NRCAM: variants seen among roughly 807,000 people sequenced by gnomAD.
NRCAM encodes the protein neuronal cell adhesion molecule.
Under a neutral mutation model 156.5 loss-of-function variants are expected in NRCAM, and 83 were observed. The ratio of observed to expected loss-of-function variants is 0.53; its 90% confidence interval spans 0.44 to 0.64. NRCAM has a LOEUF of 0.64. Ranked by LOEUF, NRCAM falls within the 30% of genes least tolerant of loss-of-function variation. The pLI is 0.00. For missense variants in NRCAM, 1,417 were observed against 1,597.3 expected, an observed-to-expected ratio of 0.89 and a Z score of 1.92; for synonymous variants, 538 against 563.9, an observed-to-expected ratio of 0.95 and a Z score of 0.65.
intron 2 of NRCAM, among the ~76,000 whole-genome samples, chr7:108,357,720 G>GC (rs1428814303): frequency 9.8e-5 from 15 of 152,322 alleles, no homozygotes; most frequent in African/African-American, 3.1e-4. Flanking sequence ...TCATGGGGAT[G>GC]CAGAGTGGAA....
At chr7:108,220,203 C>G (rs118154494) in intron 11 of NRCAM, among the ~76,000 whole-genome samples, 443 of 151,552 alleles carry the variant, frequency 2.9e-3, no homozygotes, top group Non-Finnish European at 4.3e-3. Flanking sequence ...AAATCACAGA[C>G]GACACAAATG....
chr7:108,428,562 A>C (rs1318856375), intron 1 of NRCAM, among the ~76,000 whole-genome samples: 2 of 152,216 alleles, frequency 1.3e-5, no homozygotes, highest in Non-Finnish European at 2.9e-5. Context: ...CTTGGACAAA[A>C]GGAAGGCAGA....
intron 3 of NRCAM, among the ~76,000 whole-genome samples, chr7:108,264,719 A>G: frequency 6.6e-6 from 1 of 152,194 alleles, no homozygotes; most frequent in Non-Finnish European, 1.5e-5. Context: ...TCCTGTAACA[A>G]ACACCTAATA....
intron 3 of NRCAM, chr7:108,243,083 G>A (rs1228420212): frequency 1.3e-5 from 2 of 152,140 alleles, no homozygotes; most frequent in East Asian, 3.8e-4. Context: ...TCATACTGCT[G>A]GGAGGTCATG....
chr7:108,257,946 G>A (rs1269650), intron 3 of NRCAM, among the ~76,000 whole-genome samples: 68,028 of 151,770 alleles, frequency 0.45, 17,611 homozygotes, highest in East Asian at 0.85. Flanking sequence ...CCACTTCACC[G>A]GGCATGCTGA....
At chr7:108,218,812 A>G (rs891879263) in intron 11 of NRCAM, among the ~76,000 whole-genome samples, 1 of 152,224 alleles carries the variant, frequency 6.6e-6, no homozygotes, top group African/African-American at 2.4e-5. Flanking sequence ...TAGAGAAACA[A>G]GAACAAACCA....
intron 30 of NRCAM, among the ~76,000 whole-genome samples, 190 bp from the exon 31 acceptor site, chr7:108,160,682 T>TA (rs953153161): frequency 6.6e-6 from 1 of 152,212 alleles, no homozygotes; most frequent in Non-Finnish European, 1.5e-5. Flanking sequence ...CTTCATTCAT[T>TA]AAAAAATTCA....
At chr7:108,373,557 A>T (rs1462159635) in intron 2 of NRCAM, among the ~76,000 whole-genome samples, 2 of 152,194 alleles carry the variant, frequency 1.3e-5, no homozygotes, top group Non-Finnish European at 2.9e-5. Context: ...ACTAAAGCAC[A>T]GGGGACAATA....
At chr7:108,247,239 G>A (rs1361979962) in intron 3 of NRCAM, among the ~76,000 whole-genome samples, 1 of 152,170 alleles carries the variant, frequency 6.6e-6, no homozygotes, top group Non-Finnish European at 1.5e-5. Context: ...TTATTATATA[G>A]CCATAGATAT....
chr7:108,299,114 A>AAAAGAAAG (rs1554479870), intron 3 of NRCAM, among the ~76,000 whole-genome samples: 2 of 25,530 alleles, frequency 7.8e-5, no homozygotes, highest in Non-Finnish European at 1.6e-4. Flanking sequence ...TCAAAAAAAA[A>AAAAGAAAG]AAAGAAAGAA....
chr7:108,206,591 G>A (rs1441303173), intron 13 of NRCAM, among the ~76,000 whole-genome samples: 1 of 152,164 alleles, frequency 6.6e-6, no homozygotes, highest in Non-Finnish European at 1.5e-5. Context: ...CTCGGCAGTA[G>A]CTGGTGGTGG....
chr7:108,421,784 T>C (rs1810250783), intron 1 of NRCAM, among the ~76,000 whole-genome samples: 2 of 152,218 alleles, frequency 1.3e-5, no homozygotes. Flanking sequence ...TCATCTTGTA[T>C]TTCTGACCAA....
At chr7:108,284,630 C>A (rs1194352587) in intron 3 of NRCAM, among the ~76,000 whole-genome samples, 1 of 152,152 alleles carries the variant, frequency 6.6e-6, no homozygotes, top group Non-Finnish European at 1.5e-5. Context: ...CCATCCTCTC[C>A]CTGGAAGCTT....
At chr7:108,398,668 A>AG (rs1262674253) in intron 2 of NRCAM, among the ~76,000 whole-genome samples, 1 of 152,152 alleles carries the variant, frequency 6.6e-6, no homozygotes, top group African/African-American at 2.4e-5. Flanking sequence ...GAGCCATTTT[A>AG]GGGGACACCT....
intron 3 of NRCAM, among the ~76,000 whole-genome samples, chr7:108,294,375 A>G (rs79002653): frequency 0.019 from 2,914 of 151,994 alleles, 91 homozygotes; most frequent in African/African-American, 0.065. Flanking sequence ...ATGTTCCTCC[A>G]ACACCCCTCT....
At chr7:108,400,460 A>C (rs777605107) in intron 1 of NRCAM, among the ~76,000 whole-genome samples, 11 of 152,190 alleles carry the variant, frequency 7.2e-5, no homozygotes, top group South Asian at 6.2e-4. Flanking sequence ...AAGCTTTTAA[A>C]AAGTATCGAT....
chr7:108,171,257 A>C (rs2284280), intron 28 of NRCAM, among the ~76,000 whole-genome samples: 87,816 of 151,958 alleles, frequency 0.58, 30,000 homozygotes, highest in East Asian at 0.83. Flanking sequence ...AGTTACCTAC[A>C]TTTTAGCTGC....
At chr7:108,306,845 C>T (rs76311547) in intron 3 of NRCAM, among the ~76,000 whole-genome samples, 2,385 of 152,288 alleles carry the variant, frequency 0.016, 53 homozygotes, top group African/African-American at 0.054. Flanking sequence ...AATGGGCAAT[C>T]CATTTACACA....
intron 3 of NRCAM, among the ~76,000 whole-genome samples, chr7:108,294,923 C>T (rs1415265260): frequency 6.6e-6 from 1 of 152,296 alleles, no homozygotes; most frequent in South Asian, 2.1e-4. Flanking sequence ...CTCATTATTA[C>T]ATTAGTATCC....
Sources: gnomAD v4.1 joint callset for allele counts (sites outside exome capture counted in the v4.1 genomes callset) on GRCh38, gnomAD v4.1.1 for gene constraint, MANE v1.5 for transcripts, NCBI Gene and HGNC (gene_info 2026-07-23, HGNC 2026-07-21) for gene names.